SLC7A1: variants seen among roughly 807,000 people sequenced by gnomAD.
SLC7A1 encodes the protein high affinity cationic amino acid transporter 1.
In SLC7A1, 10 loss-of-function variants were observed where a neutral mutation model predicts 53.9. That is an observed-to-expected ratio of 0.19 (90% CI 0.11 to 0.31). SLC7A1 has a LOEUF of 0.31. Among genes scored for constraint, SLC7A1 ranks in the 10% least tolerant of loss-of-function variants. SLC7A1 has a pLI of 1.00. For synonymous variants in SLC7A1, 342 were observed against 338.7 expected, an observed-to-expected ratio of 1.01 and a Z score of -0.11; for missense variants, 525 against 827.2, an observed-to-expected ratio of 0.63 and a Z score of 4.48.
intron 2 of SLC7A1, among the ~76,000 whole-genome samples, chr13:29,552,236 C>T (rs1201531014): frequency 6.6e-6 from 1 of 151,194 alleles, no homozygotes; most frequent in Admixed American, 6.6e-5. Flanking sequence ...CACACACACA[C>T]ACACACACAC....
intron 1 of SLC7A1, among the ~76,000 whole-genome samples, chr13:29,589,725 C>T (rs991261295): frequency 2.6e-5 from 4 of 152,192 alleles, no homozygotes; most frequent in Non-Finnish European, 5.9e-5. Context: ...TGTCTGCCTC[C>T]CACTCAGTGT....
At chr13:29,519,325 C>T (rs146474569) in intron 9 of SLC7A1, 122 bp downstream of exon 9, 127 of 600,000 alleles carry the variant, frequency 2.1e-4, no homozygotes, top group Non-Finnish European at 3.3e-4. Flanking sequence ...TCCTTGGCAG[C>T]TCCCAATGGA....
intron 1 of SLC7A1, among the ~76,000 whole-genome samples, chr13:29,559,635 T>C (rs1247602338): frequency 6.6e-6 from 1 of 151,906 alleles, no homozygotes; most frequent in Non-Finnish European, 1.5e-5. Flanking sequence ...CTACACTAAA[T>C]GTGTAAAAAA....
chr13:29,574,420 C>A (rs975055441), intron 1 of SLC7A1, among the ~76,000 whole-genome samples: 1 of 152,152 alleles, frequency 6.6e-6, no homozygotes, highest in Non-Finnish European at 1.5e-5. Flanking sequence ...AACAAGAACA[C>A]GAACTCATCT....
chr13:29,514,316 C>T lies in SLC7A1; in HGVS notation c.*164G>A, dbSNP rs970591518. The T allele has an allele frequency of 3.6e-5, 22 of 608,260 alleles. No homozygotes were observed. Among genetic ancestry groups the T allele is most frequent in the African/African-American group, 1.5e-4 (8 of 54,472 alleles). The allele number at this position is 608,260 out of a possible 1,614,324, so 37.7% of individuals were successfully genotyped here. On this transcript the variant is annotated 3_prime_UTR_variant, in exon 13 of 13. Transcript: ENST00000380752. ...GGGCCCGGAGAACCGGCTGCAGAGC[C>T]GAGGGTGGGCTGGGGCTGCAGGTCA...
chr13:29,538,575 C>A (rs1451334513), intron 2 of SLC7A1, among the ~76,000 whole-genome samples: 1 of 152,170 alleles, frequency 6.6e-6, no homozygotes, highest in African/African-American at 2.4e-5. Flanking sequence ...GAGCAGGAAC[C>A]AAGGACCTAG....
intron 2 of SLC7A1, among the ~76,000 whole-genome samples, chr13:29,549,704 G>A (rs867096541): frequency 6.6e-6 from 1 of 152,210 alleles, no homozygotes; most frequent in Non-Finnish European, 1.5e-5. Context: ...TTGCTCTGTA[G>A]CCCAGGCTGG....
intron 8 of SLC7A1, among the ~76,000 whole-genome samples, chr13:29,521,573 A>G (rs1430023805): frequency 2.0e-5 from 3 of 152,154 alleles, no homozygotes; most frequent in Non-Finnish European, 2.9e-5. Context: ...ACGAAATGCA[A>G]TTGCGAAAGG....
intron 1 of SLC7A1, among the ~76,000 whole-genome samples, chr13:29,585,403 T>C (rs1871837209): frequency 6.6e-6 from 1 of 152,140 alleles, no homozygotes; most frequent in South Asian, 2.1e-4. Context: ...TGTAATGAAA[T>C]AGAAAAGAAT....
At chr13:29,545,567 AAAG>A (rs2139123043) in intron 2 of SLC7A1, among the ~76,000 whole-genome samples, 1 of 152,352 alleles carries the variant, frequency 6.6e-6, no homozygotes, top group African/African-American at 2.4e-5. Flanking sequence ...CTTCAAATGC[AAAG>A]AACCATCAGC....
At chr13:29,580,088 T>C (rs1418463734) in intron 1 of SLC7A1, among the ~76,000 whole-genome samples, 7 of 152,086 alleles carry the variant, frequency 4.6e-5, no homozygotes, top group Admixed American at 2.0e-4. Flanking sequence ...TCACAGAGGG[T>C]AGCATCTTAG....
At chr13:29,532,791 C>G in intron 4 of SLC7A1, 33 bp downstream of exon 4, 1 of 1,585,996 alleles carries the variant, frequency 6.3e-7, no homozygotes, top group Non-Finnish European at 8.6e-7. Context: ...GCCCATCACT[C>G]TGACCCGATC....
At chr13:29,539,081 C>T (rs1869549974) in intron 2 of SLC7A1, among the ~76,000 whole-genome samples, 1 of 152,230 alleles carries the variant, frequency 6.6e-6, no homozygotes, top group Non-Finnish European at 1.5e-5. Context: ...CTAGGCCTCA[C>T]AGGATAACAT....
At chr13:29,541,527 G>A (rs1217989398) in intron 2 of SLC7A1, among the ~76,000 whole-genome samples, 2 of 152,180 alleles carry the variant, frequency 1.3e-5, no homozygotes, top group East Asian at 1.9e-4. Flanking sequence ...TGGGCGTGAG[G>A]GGCAGGGAGC....
chr13:29,517,859 C>A, intron 9 of SLC7A1, 69 bp from the exon 10 acceptor site: 1 of 1,217,428 alleles, frequency 8.2e-7, no homozygotes, highest in East Asian at 2.3e-5. Flanking sequence ...AACTCAAGTT[C>A]TCAATAAGCC....
intron 1 of SLC7A1, among the ~76,000 whole-genome samples, chr13:29,580,105 C>T (rs556680045): frequency 9.8e-5 from 15 of 152,302 alleles, no homozygotes; most frequent in African/African-American, 3.6e-4. Context: ...TTAGTGCAAG[C>T]TCTTCAGACC....
intron 5 of SLC7A1, among the ~76,000 whole-genome samples, chr13:29,526,776 G>T (rs943033476): frequency 6.6e-6 from 1 of 152,196 alleles, no homozygotes; most frequent in African/African-American, 2.4e-5. Flanking sequence ...ATGGGTGAGC[G>T]CAAAGCGAGG....
chr13:29,567,498 T>C (rs1179464026), intron 1 of SLC7A1, among the ~76,000 whole-genome samples: 1 of 152,194 alleles, frequency 6.6e-6, no homozygotes, highest in Non-Finnish European at 1.5e-5. Flanking sequence ...CATGCCCAAC[T>C]CAGTGAGTGG....
intron 1 of SLC7A1, among the ~76,000 whole-genome samples, chr13:29,573,140 T>C (rs574405293): frequency 5.9e-4 from 90 of 152,360 alleles, no homozygotes; most frequent in African/African-American, 2.1e-3. Flanking sequence ...CAGGACAATA[T>C]TGTCATCAAA....
Sources: gnomAD v4.1 joint callset for allele counts (sites outside exome capture counted in the v4.1 genomes callset) on GRCh38, gnomAD v4.1.1 for gene constraint, MANE v1.5 for transcripts, NCBI Gene and HGNC (gene_info 2026-07-23, HGNC 2026-07-21) for gene names.